PARD3B: variants seen among roughly 807,000 people sequenced by gnomAD.
The protein encoded by PARD3B is partitioning defective 3 homolog B.
In PARD3B, 103 loss-of-function variants were observed where a neutral mutation model predicts 130.2. The observed-to-expected ratio is 0.79, with a 90% CI of 0.67 to 0.93. PARD3B has a LOEUF of 0.93. PARD3B is among the 40% of genes least tolerant of loss of function. PARD3B has a pLI of 0.00. For synonymous variants in PARD3B, 583 were observed against 553.2 expected (o/e 1.05, Z -0.76); for missense variants, 1,609 against 1,499.2 (o/e 1.07, Z -1.21).
At chr2:204,643,094 A>T (rs1365270176) in intron 1 of PARD3B, among the ~76,000 whole-genome samples, 9 of 110,718 alleles carry the variant, frequency 8.1e-5, no homozygotes, top group Non-Finnish European at 1.3e-4. Context: ...AGCCTGGGCG[A>T]CAGAGGGAGA....
chr2:204,754,416 C>T (rs1237731107), intron 2 of PARD3B, among the ~76,000 whole-genome samples: 1 of 152,120 alleles, frequency 6.6e-6, no homozygotes, highest in East Asian at 1.9e-4. Flanking sequence ...CACTGTCTGT[C>T]AATAGCTTTG....
chr2:204,874,988 C>T (rs566704751), intron 2 of PARD3B, among the ~76,000 whole-genome samples: 1 of 152,220 alleles, frequency 6.6e-6, no homozygotes, highest in South Asian at 2.1e-4. Flanking sequence ...TTTAGCTATT[C>T]CTGTGGTCAA....
chr2:204,893,959 A>G (rs77071226), intron 2 of PARD3B, among the ~76,000 whole-genome samples: 2,268 of 152,290 alleles, frequency 0.015, 60 homozygotes, highest in African/African-American at 0.052. Context: ...AATTTGTTCC[A>G]TTTATGTGAT....
At chr2:205,038,692 T>C (rs1698180493) in intron 3 of PARD3B, among the ~76,000 whole-genome samples, 2 of 152,228 alleles carry the variant, frequency 1.3e-5, no homozygotes, top group African/African-American at 4.8e-5. Context: ...TGCTTTATCA[T>C]GCGTGTGCTT....
rs184766416 is a variant in PARD3B at position 205,116,904 on chromosome 2, C to T, written c.681-2017C>T. Among the ~76,000 whole-genome samples the T allele has an allele frequency of 8.4e-4, 128 of 152,252 alleles. No individual in the cohort carries two copies. Among genetic ancestry groups the T allele is most frequent in the Middle Eastern group, 3.4e-3 (1 of 294 alleles). ...ATCAGTGAGGTTCACATAGCATACT[C>T]CAGCTGTAATATGCCAGCTAAATTG... On this transcript the variant is annotated intron_variant, in intron 6 of 22. Transcript: ENST00000406610. The surrounding 1 kb of genome is among the most constrained non-coding windows in gnomAD (Gnocchi z 4.5).
rs1181741378 is a variant in PARD3B, at chr2:205,253,811, G to T, written c.2185+7989G>T. 4.6e-5 allele frequency among the ~76,000 whole-genome samples: 7 copies of T among 152,222 alleles called. No individual in the cohort carries two copies. The highest frequency in any genetic ancestry group is 2.0e-4 in the Admixed American group (3 of 15,288). ...TTGGATCTCCTCCTAACCCTGACCT[G>T]CATGATATGGGTGTGAGAAGCTTCA... On this transcript the variant is annotated intron_variant, in intron 16 of 22. Transcript: ENST00000406610. This position sits in a 1 kb window ranked among gnomAD's most constrained non-coding sequence, Gnocchi z 4.4.
chr2:204,855,823 G>A (rs1361085997), intron 2 of PARD3B, among the ~76,000 whole-genome samples: 2 of 151,854 alleles, frequency 1.3e-5, no homozygotes, highest in Middle Eastern at 3.2e-3. Flanking sequence ...TCTGTGCCTG[G>A]CTCATTTCAC....
intron 11 of PARD3B, among the ~76,000 whole-genome samples, chr2:205,163,985 T>G (rs1301612091): frequency 6.6e-6 from 1 of 152,194 alleles, no homozygotes; most frequent in Non-Finnish European, 1.5e-5. Context: ...TGTGAGAATG[T>G]CAAAATGCTA....
At chr2:204,925,524 A>G (rs949672372) in intron 2 of PARD3B, among the ~76,000 whole-genome samples, 2 of 152,150 alleles carry the variant, frequency 1.3e-5, no homozygotes, top group Admixed American at 6.5e-5. Flanking sequence ...GGCTTATAAA[A>G]TAAATAGGGT....
At position 205,253,018 on chromosome 2, in the gene PARD3B, G is replaced by C. The variant is rs776675998; in HGVS notation, c.2185+7196G>C. Among the ~76,000 whole-genome samples, 4 of 151,984 alleles carry C rather than the reference G, an allele frequency of 2.6e-5. No homozygotes were observed. The South Asian group carries it at 8.3e-4, about 31-fold the overall frequency. The stretch of plus-strand genomic sequence containing the variant: ...TAAACTTAATGGGTAAGTAAAAAAG[G>C]GTATCCAACTTGATTTTCATTGTAC... On this transcript the variant is annotated intron_variant, in intron 16 of 22. Transcript: ENST00000406610. The surrounding 1 kb of genome is among the most constrained non-coding windows in gnomAD (Gnocchi z 4.4).
chr2:205,243,421 T>G (rs564304665), intron 15 of PARD3B, among the ~76,000 whole-genome samples: 5 of 152,204 alleles, frequency 3.3e-5, no homozygotes, highest in Non-Finnish European at 5.9e-5. Context: ...CACAGAAAGT[T>G]AAAATGATTT....
chr2:205,401,134 G>A lies in PARD3B; in HGVS notation c.2741+11G>A, dbSNP rs925186828. The A allele has an allele frequency of 1.3e-6, 2 of 1,565,208 alleles. No homozygotes were observed. Among genetic ancestry groups the A allele is most frequent in the Admixed American group, 1.8e-5 (1 of 54,194 alleles). On this transcript the variant is annotated intron_variant, in intron 19 of 22. Transcript: ENST00000406610. ...AGAAGAGCGTGAAAGGTGAGCAGAA[G>A]TGCCGAGACCTTCATTTTCTTTGAC...
intron 14 of PARD3B, among the ~76,000 whole-genome samples, chr2:205,189,711 GA>G (rs2036290498): frequency 6.6e-6 from 1 of 152,146 alleles, no homozygotes; most frequent in African/African-American, 2.4e-5. Flanking sequence ...ATTTTCACAT[GA>G]ACTAACTCAA....
At chr2:204,746,628 C>A (rs1177736135) in intron 2 of PARD3B, among the ~76,000 whole-genome samples, 1 of 152,144 alleles carries the variant, frequency 6.6e-6, no homozygotes, top group Non-Finnish European at 1.5e-5. Flanking sequence ...TTCTCCACAT[C>A]CTCTCCAGCA....
intron 11 of PARD3B, among the ~76,000 whole-genome samples, chr2:205,167,642 G>A (rs946050942): frequency 6.6e-6 from 1 of 152,286 alleles, no homozygotes; most frequent in East Asian, 1.9e-4. Flanking sequence ...AAAGGGTTTA[G>A]CATGATGCAC....
chr2:204,773,735 T>G (rs1275411581), intron 2 of PARD3B, among the ~76,000 whole-genome samples: 1 of 152,110 alleles, frequency 6.6e-6, no homozygotes, highest in African/African-American at 2.4e-5. Flanking sequence ...AACATTATCG[T>G]TTTGGACCAG....
At chr2:205,388,092 G>A (rs558225152) in intron 18 of PARD3B, among the ~76,000 whole-genome samples, 5 of 152,148 alleles carry the variant, frequency 3.3e-5, no homozygotes, top group Admixed American at 1.3e-4. Flanking sequence ...TCTTTTAAAG[G>A]TATGCTCACC....
chr2:204,554,107 T>G (rs1463506824), intron 1 of PARD3B, among the ~76,000 whole-genome samples: 1 of 152,156 alleles, frequency 6.6e-6, no homozygotes, highest in Non-Finnish European at 1.5e-5. Context: ...CTCTCCTGAC[T>G]TTTTTCCTAT....
intron 2 of PARD3B, among the ~76,000 whole-genome samples, chr2:204,928,106 G>C (rs1425434716): frequency 6.6e-6 from 1 of 152,086 alleles, no homozygotes; most frequent in Non-Finnish European, 1.5e-5. Context: ...CAATTAGGCA[G>C]CTCTGCTGAT....
Sources: allele counts gnomAD v4.1 joint callset (sites outside exome capture counted in the v4.1 genomes callset), GRCh38; gene constraint gnomAD v4.1.1; non-coding constraint Gnocchi (gnomAD v3.1); transcripts MANE v1.5; gene names NCBI Gene and HGNC (gene_info 2026-07-23, HGNC 2026-07-21).